F13B: variants seen among roughly 807,000 people sequenced by gnomAD.
F13B encodes the protein TGase.
A neutral mutation model predicts 79.8 loss-of-function variants in F13B; 58 were observed. The ratio of observed to expected loss-of-function variants is 0.73; its 90% CI spans 0.59 to 0.90. The LOEUF (loss-of-function observed/expected upper bound fraction) is 0.90. Ranked by LOEUF, F13B falls within the 40% of genes least tolerant of loss-of-function variation. The probability of loss-of-function intolerance (pLI) is 0.00; values close to 1 mark genes in which losing one functional copy is unlikely to be tolerated. For missense variants in F13B, 773 were observed against 777.0 expected, an observed-to-expected ratio of 0.99 and a Z score of 0.06; for synonymous variants, 283 against 260.3, an observed-to-expected ratio of 1.09 and a Z score of -0.84.
chr1:197,050,658 T>C (rs772244989), intron 10 of F13B, 39 bp downstream of exon 10: 39 of 1,569,350 alleles, frequency 2.5e-5, no homozygotes, highest in Non-Finnish European at 3.2e-5. Flanking sequence ...TAAAAATATA[T>C]AGTTTTACTT....
At position 197,055,672 on chromosome 1, in the gene F13B, A is replaced by T. The variant is rs369155592; in HGVS notation, c.1354+43T>A. 7 of 1,591,508 alleles carry T rather than the reference A, an allele frequency of 4.4e-6. No individual in the cohort carries two copies. In the East Asian group the frequency reaches 1.6e-4, roughly 36 times the overall value. ...ATATAAAACACTGTAAGAAAATCAC[A>T]TAAAAGTACAAACGTAGACATTCCA... On this transcript the variant is annotated intron_variant, in intron 8 of 11. Coordinates refer to ENST00000367412, the MANE Select transcript of F13B (RefSeq NM_001994.3).
At position 197,050,685 on chromosome 1, in the gene F13B, A is replaced by T. The variant is rs762814914; in HGVS notation, c.1738+12T>A. ...GTTTTACTTTGTTAGAGGCATATTT[A>T]GTAGTACATACCTAAACACAATGGT... On this transcript the variant is annotated intron_variant, in intron 10 of 11. Transcript: ENST00000367412. 1.2e-6 allele frequency: 2 copies of T among 1,610,560 alleles called. No homozygotes were observed. The highest frequency in any genetic ancestry group is 2.2e-5 in the South Asian group (2 of 91,010).
intron 4 of F13B, 127 bp downstream of exon 4, chr1:197,060,772 A>G (rs1168684810): frequency 3.3e-6 from 3 of 900,792 alleles, no homozygotes; most frequent in African/African-American, 1.6e-5. Context: ...TGCTATCAAC[A>G]TAATTAAAAA....
chr1:197,049,178 A>G (rs1396281440), intron 10 of F13B, among the ~76,000 whole-genome samples: 1 of 152,044 alleles, frequency 6.6e-6, no homozygotes, highest in East Asian at 1.9e-4. Context: ...AATGCTGAAA[A>G]TTAGTAATCT....
At chr1:197,061,713 T>C (rs1655868931) in intron 3 of F13B, 71 bp downstream of exon 3, 1 of 1,234,158 alleles carries the variant, frequency 8.1e-7, no homozygotes, top group African/African-American at 1.5e-5. Context: ...TAGATATCAA[T>C]ATAAGCTTCA....
At chr1:197,048,295 C>A (rs1655308822) in intron 10 of F13B, among the ~76,000 whole-genome samples, 1 of 151,586 alleles carries the variant, frequency 6.6e-6, no homozygotes, top group Non-Finnish European at 1.5e-5. Context: ...TTAGTAATTA[C>A]ATGAATATGT....
intron 10 of F13B, among the ~76,000 whole-genome samples, chr1:197,046,869 C>A (rs1655253146): frequency 6.6e-6 from 1 of 152,038 alleles, no homozygotes; most frequent in Non-Finnish European, 1.5e-5. Flanking sequence ...CACATACAAC[C>A]ATCTGATGTT....
chr1:197,057,327 C>T lies in F13B; in HGVS notation c.944G>A (p.Arg315His), dbSNP rs764894253. ...NFEIHGSAEIRCEDGKWTEPP... is the reference protein window; with the variant it reads ...NFEIHGSAEIHCEDGKWTEPP... The stretch of plus-strand genomic sequence containing the variant: ...TTCTGTCCATTTTCCATCTTCACAA[C>T]GTATTTCTGCTGACCCATGGATCTC... The change falls in exon 6 of 12, where the codon CGT becomes CAT. Residue 315 changes from arginine (R) to histidine (H), a missense_variant. Arg to His is a conservative substitution (Grantham distance 29). Coordinates refer to ENST00000367412, the MANE Select transcript of F13B (RefSeq NM_001994.3). The T allele has an allele frequency of 1.9e-5, 31 of 1,613,828 alleles. No individual in the cohort carries two copies. The highest frequency in any genetic ancestry group is 3.3e-5 in the South Asian group (3 of 91,084).
chr1:197,064,798 A>C (rs1204166274), intron 1 of F13B, among the ~76,000 whole-genome samples: 2 of 152,184 alleles, frequency 1.3e-5, no homozygotes, highest in African/African-American at 4.8e-5. Flanking sequence ...AAAAACACTT[A>C]AAAGAAAGAA....
intron 10 of F13B, among the ~76,000 whole-genome samples, chr1:197,042,561 G>C (rs576370224): frequency 1.4e-4 from 21 of 150,760 alleles, no homozygotes; most frequent in Admixed American, 4.0e-4. Context: ...ACTCACACCT[G>C]TAATCCCAGC....
chr1:197,057,302 T>C lies in F13B; in HGVS notation c.969A>G (p.Glu323=), dbSNP rs1655681197. The part of the protein sequence containing the change: ...EIRCEDGKWT[E]PPKCIEGQEK... Reference sequence around the variant, plus strand: ...GTTACTAACCAATGCATTTTGGAGGTTCTGTCCATTTTCCATCTTCACAAC... The same window carrying C: ...GTTACTAACCAATGCATTTTGGAGGCTCTGTCCATTTTCCATCTTCACAAC... Residue 323 remains glutamate (E), a synonymous_variant, in exon 6 of 12, where the codon GAA becomes GAG. Transcript: ENST00000367412. 1 of 1,613,772 alleles carries C rather than the reference T, an allele frequency of 6.2e-7. No individual in the cohort carries two copies. The highest frequency in any genetic ancestry group is 8.5e-7 in the Non-Finnish European group (1 of 1,179,910).
chr1:197,064,413 C>T lies in F13B; in HGVS notation c.65-1356G>A, dbSNP rs1655978759. On this transcript the variant is annotated intron_variant, in intron 1 of 11. Coordinates refer to ENST00000367412, the MANE Select transcript of F13B (RefSeq NM_001994.3). ...CCATAAATAATAGAAAAGATAAACACATTTTAGACTATGCATACAATGGAA... is the reference window on the plus strand; with the variant it reads ...CCATAAATAATAGAAAAGATAAACATATTTTAGACTATGCATACAATGGAA... 5.3e-5 allele frequency among the ~76,000 whole-genome samples: 8 copies of T among 152,232 alleles called. No individual in the cohort carries two copies. The South Asian group carries it at 1.5e-3, about 28-fold the overall frequency.
intron 4 of F13B, 36 bp from the exon 5 acceptor site, chr1:197,060,578 T>C (rs1413262485): frequency 7.0e-7 from 1 of 1,437,148 alleles, no homozygotes; most frequent in East Asian, 2.3e-5. Flanking sequence ...TACAAACAAA[T>C]GTTTATTTTT....
At chr1:197,052,890 A>T in intron 8 of F13B, 56 bp from the exon 9 acceptor site, 2 of 1,421,282 alleles carry the variant, frequency 1.4e-6, no homozygotes, top group South Asian at 1.2e-5. Flanking sequence ...TATAAAAGTG[A>T]TATTTTTTAA....
chr1:197,045,048 A>G (rs996468884), intron 10 of F13B, among the ~76,000 whole-genome samples: 2 of 152,190 alleles, frequency 1.3e-5, no homozygotes, highest in Admixed American at 6.5e-5. Context: ...TGCCCACAAG[A>G]GAATGCAGGA....
Position 197,057,163 on chromosome 1 carries a change from AG to A in F13B, c.1020del (p.Phe341SerfsTer20), listed in dbSNP as rs1487420359. ...AAATTTGCTGCACCATTTTCAATGA[AG>A]GGTGGTTCCTCACAGGCTACCTTCT... Reference protein sequence around the residue: ...GQEKVACEEPPFIENGAANLH... With the variant: ...GQEKVACEEPXFIENGAANLH... On this transcript the variant is annotated frameshift_variant, in exon 7 of 12. Coordinates refer to ENST00000367412, the MANE Select transcript of F13B (RefSeq NM_001994.3). LOFTEE classifies it high-confidence loss of function. 6.2e-7 allele frequency: 1 copy of A among 1,613,954 alleles called. No homozygotes were observed. Among genetic ancestry groups the A allele is most frequent in the East Asian group, 2.2e-5 (1 of 44,864 alleles).
Position 197,057,133 on chromosome 1 carries a change from A to C in F13B, c.1051T>G (p.Ser351Ala), listed in dbSNP as rs140928543. The change falls in exon 7 of 12, where the codon TCT (serine) becomes GCT (alanine). Residue 351 changes from serine to alanine, a missense_variant. Ser to Ala is a moderately conservative substitution (Grantham distance 99). Coordinates refer to ENST00000367412, the MANE Select transcript of F13B (RefSeq NM_001994.3). ...TTATCCCCATTGTAATAAATCTTAG[A>C]GTGTAAATTTGCTGCACCATTTTCA... ...FIENGAANLHSKIYYNGDKVT... is the reference protein window; with the variant it reads ...FIENGAANLHAKIYYNGDKVT... The C allele has an allele frequency of 1.4e-5, 22 of 1,613,794 alleles. No individual in the cohort carries two copies. Among genetic ancestry groups the C allele is most frequent in the Non-Finnish European group, 1.9e-5 (22 of 1,179,940 alleles).
chr1:197,040,340 G>C (rs1454942925), intron 11 of F13B, 182 bp downstream of exon 11: 2 of 566,366 alleles, frequency 3.5e-6, no homozygotes, highest in East Asian at 2.9e-5. Context: ...AATTCAGAAG[G>C]CCTGTTGAAT....
chr1:197,054,599 T>C (rs1410919946), intron 8 of F13B, among the ~76,000 whole-genome samples: 1 of 151,754 alleles, frequency 6.6e-6, no homozygotes, highest in East Asian at 1.9e-4. Context: ...TATATAGATT[T>C]ATAAGTATGA....
Sources: allele counts gnomAD v4.1 joint callset (sites outside exome capture counted in the v4.1 genomes callset), GRCh38; gene constraint gnomAD v4.1.1; transcripts MANE v1.5; gene names NCBI Gene and HGNC (gene_info 2026-07-23, HGNC 2026-07-21).